Variants in IFT81 observed in about 807,000 individuals in gnomAD.
IFT81 encodes intraflagellar transport protein 81 homolog.
IFT81 carries 72 observed loss-of-function variants against 102.6 expected under a neutral mutation model. That is an observed-to-expected ratio of 0.70 (90% CI 0.58 to 0.85). The LOEUF (loss-of-function observed/expected upper bound fraction) is 0.85, where lower values mean the gene tolerates loss of function less well. IFT81 is among the 40% of genes least tolerant of loss of function. The pLI is 0.00. For missense variants in IFT81, 723 were observed against 787.3 expected, an observed-to-expected ratio of 0.92 and a Z score of 0.98; for synonymous variants, 237 against 242.7, an observed-to-expected ratio of 0.98 and a Z score of 0.22.
chr12:110,216,014 A>G (rs1222045771), intron 18 of IFT81, among the ~76,000 whole-genome samples: 1 of 152,198 alleles, frequency 6.6e-6, no homozygotes, highest in African/African-American at 2.4e-5. Context: ...TAAATAGAGT[A>G]TACACTGTTT....
intron 13 of IFT81, 151 bp downstream of exon 13, chr12:110,191,199 C>G: frequency 2.9e-6 from 2 of 679,692 alleles, no homozygotes; most frequent in South Asian, 4.3e-5. Context: ...GAGGCAGAGT[C>G]TCACTCTATT....
chr12:110,206,936 AAATT>A (rs966815511), intron 17 of IFT81, among the ~76,000 whole-genome samples: 3 of 152,184 alleles, frequency 2.0e-5, no homozygotes, highest in Non-Finnish European at 2.9e-5. Context: ...AAATTTTTAT[AAATT>A]AAGTTCTATT....
At chr12:110,185,816 C>G (rs1038838970) in intron 12 of IFT81, among the ~76,000 whole-genome samples, 2 of 151,590 alleles carry the variant, frequency 1.3e-5, no homozygotes, top group Non-Finnish European at 2.9e-5. Context: ...TCCAGGCTGG[C>G]CTCAAACTCA....
chr12:110,213,301 C>T (rs373877568), intron 18 of IFT81, among the ~76,000 whole-genome samples: 17 of 151,806 alleles, frequency 1.1e-4, no homozygotes, highest in African/African-American at 2.9e-4. Context: ...AAAAAAAAAA[C>T]GGTAATTTGT....
At chr12:110,181,226 C>T (rs577217579) in intron 12 of IFT81, among the ~76,000 whole-genome samples, 6 of 152,304 alleles carry the variant, frequency 3.9e-5, no homozygotes, top group African/African-American at 9.6e-5. Context: ...TGAACTGTCT[C>T]ATGCTGATGA....
chr12:110,127,305 C>T, intron 1 of IFT81, 55 bp from the exon 2 acceptor site: 1 of 1,372,900 alleles, frequency 7.3e-7, no homozygotes, highest in Non-Finnish European at 9.5e-7. Flanking sequence ...CTGGTTTTTA[C>T]CCAGGACTTT....
chr12:110,156,210 G>C (rs1304138237), intron 10 of IFT81, among the ~76,000 whole-genome samples: 1 of 152,158 alleles, frequency 6.6e-6, no homozygotes. Context: ...AATAATAATT[G>C]TGTTGTTTTA....
At chr12:110,165,932 G>T (rs1896412577) in intron 11 of IFT81, among the ~76,000 whole-genome samples, 1 of 152,208 alleles carries the variant, frequency 6.6e-6, no homozygotes, top group Non-Finnish European at 1.5e-5. Context: ...ATTTGCATGG[G>T]TGGTATGTTA....
chr12:110,213,290 GA>G (rs1048229557), intron 18 of IFT81, among the ~76,000 whole-genome samples: 9 of 145,960 alleles, frequency 6.2e-5, no homozygotes, highest in East Asian at 2.0e-4. Flanking sequence ...TTGTTGAAAA[GA>G]AAAAAAAAAC....
chr12:110,139,351 A>G (rs1014332479), intron 8 of IFT81, among the ~76,000 whole-genome samples: 3 of 148,070 alleles, frequency 2.0e-5, no homozygotes, highest in East Asian at 2.0e-4. Context: ...AAAAAAAAAA[A>G]AAAAGAAAAG....
chr12:110,135,555 G>A (rs1033656941), intron 7 of IFT81, 118 bp downstream of exon 7: 54 of 610,674 alleles, frequency 8.8e-5, no homozygotes, highest in Non-Finnish European at 1.4e-4. Context: ...CTAACATAAT[G>A]GAATACTCTT....
At chr12:110,213,982 A>G (rs544525579) in intron 18 of IFT81, among the ~76,000 whole-genome samples, 2 of 152,228 alleles carry the variant, frequency 1.3e-5, no homozygotes, top group East Asian at 1.9e-4. Flanking sequence ...CCATTTCTCT[A>G]AAAAGTGTTC....
At position 110,136,775 on chromosome 12, in the gene IFT81, G is replaced by C. The variant is rs775681854; in HGVS notation, c.697-1G>C. Reference sequence around the variant, plus strand: ...GTAATCTATTTAATTGTATTTTAAAGCTATTTCATGCAGTGCAAAGATTGC... The same window carrying C: ...GTAATCTATTTAATTGTATTTTAAACCTATTTCATGCAGTGCAAAGATTGC... On this transcript the variant is annotated splice_acceptor_variant, in intron 7 of 18. Coordinates refer to ENST00000242591, the MANE Select transcript of IFT81 (RefSeq NM_014055.4). LOFTEE classifies it high-confidence loss of function. The C allele has an allele frequency of 2.5e-6, 4 of 1,592,980 alleles. No homozygotes were observed. In the Admixed American group the frequency reaches 5.1e-5, roughly 20 times the overall value.
At position 110,180,530 on chromosome 12, in the gene IFT81, G is replaced by A. The variant is rs752440692; in HGVS notation, c.1297G>A (p.Glu433Lys). The A allele has an allele frequency of 6.2e-7, 1 of 1,609,002 alleles. No individual in the cohort carries two copies. Among genetic ancestry groups the A allele is most frequent in the Non-Finnish European group, 8.5e-7 (1 of 1,176,358 alleles). The change falls in exon 12 of 19, where the codon GAA (glutamate) becomes AAA (lysine). Residue 433 changes from glutamate to lysine, a missense_variant. Transcript: ENST00000242591. ...ATTCGGTCTTTTGCAGAGGACTGAAGAACTTCTTAAGCAACGTCATGAAAA... is the reference window on the plus strand; with the variant it reads ...ATTCGGTCTTTTGCAGAGGACTGAAAAACTTCTTAAGCAACGTCATGAAAA... ...AEFGLLQRTE[E>K]LLKQRHENIQ...
chr12:110,203,122 C>A (rs556733016), intron 14 of IFT81, among the ~76,000 whole-genome samples: 33 of 151,982 alleles, frequency 2.2e-4, no homozygotes, highest in Non-Finnish European at 4.4e-4. Flanking sequence ...AAAAATTAGC[C>A]AGGCATGGTG....
intron 11 of IFT81, among the ~76,000 whole-genome samples, chr12:110,164,928 G>A (rs1158445994): frequency 6.6e-6 from 1 of 152,040 alleles, no homozygotes; most frequent in Non-Finnish European, 1.5e-5. Context: ...CTAAATCACA[G>A]GAAATACTAA....
chr12:110,158,242 G>C, intron 10 of IFT81, among the ~76,000 whole-genome samples: 1 of 151,568 alleles, frequency 6.6e-6, no homozygotes, highest in East Asian at 1.9e-4. Flanking sequence ...CATCACACCT[G>C]GCTAATTTTT....
intron 10 of IFT81, among the ~76,000 whole-genome samples, chr12:110,153,228 G>A (rs1486194376): frequency 6.6e-6 from 1 of 152,134 alleles, no homozygotes; most frequent in Non-Finnish European, 1.5e-5. Flanking sequence ...TTTGATGTTT[G>A]TTATTTTTTA....
intron 10 of IFT81, among the ~76,000 whole-genome samples, chr12:110,153,621 T>A (rs1233285977): frequency 7.0e-6 from 1 of 143,426 alleles, no homozygotes; most frequent in Non-Finnish European, 1.5e-5. Context: ...GATATTTTCT[T>A]TTTTTTTAGA....
Sources: gnomAD v4.1 joint callset for allele counts (sites outside exome capture counted in the v4.1 genomes callset) on GRCh38, gnomAD v4.1.1 for gene constraint, MANE v1.5 for transcripts, NCBI Gene and HGNC (gene_info 2026-07-23, HGNC 2026-07-21) for gene names.